The following ARHGAP15 variants were observed in gnomAD, a reference collection of about 807,000 sequenced individuals.
ARHGAP15 encodes the protein rho GTPase-activating protein 15.
ARHGAP15 carries 51 observed loss-of-function variants against 63.7 expected under a neutral mutation model. That is an observed-to-expected ratio of 0.80 (90% confidence interval 0.64 to 1.01). The LOEUF (loss-of-function observed/expected upper bound fraction) is 1.01. ARHGAP15 is among the 50% of genes least tolerant of loss of function. ARHGAP15 has a pLI of 0.00. For missense variants in ARHGAP15, 560 were observed against 564.6 expected, an observed-to-expected ratio of 0.99 and a Z score of 0.08; for synonymous variants, 191 against 193.8, an observed-to-expected ratio of 0.99 and a Z score of 0.12.
intron 8 of ARHGAP15, among the ~76,000 whole-genome samples, chr2:143,442,728 G>A (rs114603311): frequency 8.3e-4 from 126 of 152,178 alleles, no homozygotes; most frequent in African/African-American, 2.7e-3. Flanking sequence ...GTGGTGCATA[G>A]GCAAGTGATC....
At chr2:143,359,035 C>T (rs985950300) in intron 6 of ARHGAP15, among the ~76,000 whole-genome samples, 7 of 151,368 alleles carry the variant, frequency 4.6e-5, no homozygotes, top group East Asian at 1.9e-4. Context: ...CATTAGGGTG[C>T]GATTGATTTA....
chr2:143,548,371 T>C (rs1436290182), intron 10 of ARHGAP15, among the ~76,000 whole-genome samples: 34 of 152,050 alleles, frequency 2.2e-4, no homozygotes, highest in Non-Finnish European at 1.5e-5. Flanking sequence ...TACATATACA[T>C]ATATATTCCT....
rs773320193 is a variant in ARHGAP15, at chr2:143,307,085, T to C, written c.474+56485T>C. Among the ~76,000 whole-genome samples the C allele has an allele frequency of 4.4e-4, 67 of 152,080 alleles. 1 individual carries two copies. Among genetic ancestry groups the C allele is most frequent in the Admixed American group, 3.9e-4 (6 of 15,258 alleles). ...GACTGAGGTCCCAAGTCCCATACACTTTATGACATAGCTGATTGTTTTCTT... is the reference window on the plus strand; with the variant it reads ...GACTGAGGTCCCAAGTCCCATACACCTTATGACATAGCTGATTGTTTTCTT... On this transcript the variant is annotated intron_variant, in intron 6 of 13. Transcript: ENST00000295095.
At chr2:143,276,236 A>G (rs894099733) in intron 6 of ARHGAP15, among the ~76,000 whole-genome samples, 1 of 152,274 alleles carries the variant, frequency 6.6e-6, no homozygotes, top group South Asian at 2.1e-4. Flanking sequence ...ATTACCCTTT[A>G]CCAAACACTC....
chr2:143,544,955 A>G (rs185584051), intron 10 of ARHGAP15, among the ~76,000 whole-genome samples: 3 of 152,336 alleles, frequency 2.0e-5, no homozygotes, highest in East Asian at 3.9e-4. Context: ...CAAATGTCTC[A>G]GCTTCATCCA....
At chr2:143,679,311 A>G (rs1355929818) in intron 12 of ARHGAP15, among the ~76,000 whole-genome samples, 1 of 152,238 alleles carries the variant, frequency 6.6e-6, no homozygotes, top group African/African-American at 2.4e-5. Flanking sequence ...AATACTTAAT[A>G]ACCCATAAGA....
At chr2:143,352,377 A>G (rs1685610508) in intron 6 of ARHGAP15, among the ~76,000 whole-genome samples, 1 of 152,216 alleles carries the variant, frequency 6.6e-6, no homozygotes, top group Non-Finnish European at 1.5e-5. Flanking sequence ...TCTACCTTCT[A>G]GAGTCATTGA....
At chr2:143,194,449 G>T (rs980930261) in intron 2 of ARHGAP15, among the ~76,000 whole-genome samples, 26 of 152,122 alleles carry the variant, frequency 1.7e-4, no homozygotes, top group Admixed American at 3.9e-4. Context: ...TAATGTCTTA[G>T]ATCTAATACC....
chr2:143,606,068 A>AAAAAAAAC (rs1559076928), intron 11 of ARHGAP15, among the ~76,000 whole-genome samples: 1 of 44,084 alleles, frequency 2.3e-5, no homozygotes. Flanking sequence ...AAAAAAAAAA[A>AAAAAAAAC]AAGCCATACA....
chr2:143,242,752 G>A (rs1251544786), intron 5 of ARHGAP15, among the ~76,000 whole-genome samples: 3 of 152,042 alleles, frequency 2.0e-5, no homozygotes, highest in African/African-American at 7.2e-5. Flanking sequence ...GTTGACAGGG[G>A]CCATACTTTA....
At chr2:143,656,934 GGTGTGT>G (rs5834961) in intron 12 of ARHGAP15, among the ~76,000 whole-genome samples, 32,903 of 144,904 alleles carry the variant, frequency 0.23, 3,908 homozygotes, top group Non-Finnish European at 0.28. Flanking sequence ...CAAAGTTTCT[GGTGTGT>G]GTGTGTGTGT....
At chr2:143,496,044 G>C (rs1033265635) in intron 9 of ARHGAP15, among the ~76,000 whole-genome samples, 1 of 152,130 alleles carries the variant, frequency 6.6e-6, no homozygotes, top group Admixed American at 6.5e-5. Flanking sequence ...CTTTACGTGT[G>C]CGCTGTGTCA....
chr2:143,275,523 A>G (rs1011546606), intron 6 of ARHGAP15, among the ~76,000 whole-genome samples: 1 of 152,218 alleles, frequency 6.6e-6, no homozygotes, highest in African/African-American at 2.4e-5. Context: ...TGATGAGCTG[A>G]ATTCATTCCT....
At chr2:143,264,848 G>A (rs1380447925) in intron 6 of ARHGAP15, among the ~76,000 whole-genome samples, 2 of 152,288 alleles carry the variant, frequency 1.3e-5, no homozygotes, top group East Asian at 1.9e-4. Context: ...TGAGACCACA[G>A]TTCTTGGTGT....
At chr2:143,158,104 T>C (rs373361429) in intron 2 of ARHGAP15, among the ~76,000 whole-genome samples, 1 of 151,920 alleles carries the variant, frequency 6.6e-6, no homozygotes, top group Non-Finnish European at 1.5e-5. Context: ...TACTGGACTA[T>C]ATAATAACAC....
At chr2:143,316,545 A>ATTTT (rs1683719955) in intron 6 of ARHGAP15, among the ~76,000 whole-genome samples, 1 of 147,784 alleles carries the variant, frequency 6.8e-6, no homozygotes, top group Non-Finnish European at 1.5e-5. Flanking sequence ...ACATATATTA[A>ATTTT]AATATATGTT....
Position 143,202,138 on chromosome 2 carries a change from C to T in ARHGAP15, c.170C>T (p.Ser57Phe), listed in dbSNP as rs267598909. 1 of 1,609,804 alleles carries T rather than the reference C, an allele frequency of 6.2e-7. No homozygotes were observed. The highest frequency in any genetic ancestry group is 8.5e-7 in the Non-Finnish European group (1 of 1,176,592). Residue 57 changes from serine to phenylalanine, a missense_variant, in exon 3 of 14, where the codon TCC becomes TTC. By Grantham distance (155) the Ser-to-Phe change is radical (BLOSUM62 -2). Coordinates refer to ENST00000295095, the MANE Select transcript of ARHGAP15 (RefSeq NM_018460.4). Reference protein sequence around the residue: ...TDVGKVTEPISRHRRNHSQHI... With the variant: ...TDVGKVTEPIFRHRRNHSQHI... ...CCAATGTCAATATATTTGCAGATAT[C>T]CAGACACAGAAGGAATCATTCACAG... is the stretch of plus-strand genomic sequence containing the variant.
At position 143,702,443 on chromosome 2, in the gene ARHGAP15, G is replaced by A. The variant is rs536424416; in HGVS notation, c.1139-976G>A. Among the ~76,000 whole-genome samples, 5 of 151,742 alleles carry A rather than the reference G, an allele frequency of 3.3e-5. No homozygotes were observed. The East Asian group carries it at 9.7e-4, about 29-fold the overall frequency. ...TTCTGTTTTACCCTCTTATTTTAAAGCAAAAACAAAATGTGTAAGGGAAAA... is the reference window on the plus strand; with the variant it reads ...TTCTGTTTTACCCTCTTATTTTAAAACAAAAACAAAATGTGTAAGGGAAAA... On this transcript the variant is annotated intron_variant, in intron 12 of 13. Coordinates refer to ENST00000295095, the MANE Select transcript of ARHGAP15 (RefSeq NM_018460.4).
At chr2:143,177,222 C>G (rs1374223952) in intron 2 of ARHGAP15, among the ~76,000 whole-genome samples, 1 of 152,092 alleles carries the variant, frequency 6.6e-6, no homozygotes, top group Non-Finnish European at 1.5e-5. Flanking sequence ...CTTCTTTTTC[C>G]TCTGTTAAGA....
Sources: gnomAD v4.1 joint callset for allele counts (sites outside exome capture counted in the v4.1 genomes callset) on GRCh38, gnomAD v4.1.1 for gene constraint, MANE v1.5 for transcripts, NCBI Gene and HGNC (gene_info 2026-07-23, HGNC 2026-07-21) for gene names.